DIP2C: variants seen among roughly 807,000 people sequenced by gnomAD.
DIP2C encodes the protein disco-interacting protein 2 homolog C.
A neutral mutation model predicts 192.4 loss-of-function variants in DIP2C; 33 were observed. That is an observed-to-expected ratio of 0.17 (90% CI 0.13 to 0.23). The LOEUF (loss-of-function observed/expected upper bound fraction) is 0.23. Among genes scored for constraint, DIP2C ranks in the 10% least tolerant of loss-of-function variants. The pLI, the probability that DIP2C is intolerant of heterozygous loss-of-function variation, is 1.00. For synonymous variants in DIP2C, 979 were observed against 864.1 expected (o/e 1.13, Z -2.33); for missense variants, 1,537 against 2,110.1 (o/e 0.73, Z 5.32).
chr10:505,589 C>T (rs1845544252), intron 1 of DIP2C, among the ~76,000 whole-genome samples: 1 of 151,752 alleles, frequency 6.6e-6, no homozygotes, highest in South Asian at 2.1e-4. Flanking sequence ...CCCCTGACCC[C>T]ACAGGAGATG....
chr10:489,647 C>A (rs1400459302), intron 1 of DIP2C, among the ~76,000 whole-genome samples: 1 of 151,386 alleles, frequency 6.6e-6, no homozygotes, highest in Non-Finnish European at 1.5e-5. Context: ...ACACTAGGGA[C>A]ACGGTGGCTC....
Position 287,109 on chromosome 10 carries a change from C to CT in DIP2C, c.4045-763dup, listed in dbSNP as rs111949962. Among the ~76,000 whole-genome samples the CT allele has an allele frequency of 8.2e-3, 1,201 of 147,032 alleles. 7 individuals carry two copies. The highest frequency in any genetic ancestry group is 0.025 in the Middle Eastern group (7 of 280). ...AGATGTCAGTACTAAGCATTTCCTT[C>CT]TTTTTTTTTTTGAGACAGGGTCTAG... is the stretch of plus-strand genomic sequence containing the variant. On this transcript the variant is annotated intron_variant, in intron 33 of 36. Coordinates refer to ENST00000280886, the MANE Select transcript of DIP2C (RefSeq NM_014974.3).
intron 28 of DIP2C, among the ~76,000 whole-genome samples, chr10:344,198 G>A (rs1958299648): frequency 6.6e-6 from 1 of 152,162 alleles, no homozygotes; most frequent in African/African-American, 2.4e-5. Flanking sequence ...ATCTTGATCT[G>A]AAAACATTTC....
chr10:526,850 C>T (rs1847085845), intron 1 of DIP2C, among the ~76,000 whole-genome samples: 1 of 152,246 alleles, frequency 6.6e-6, no homozygotes, highest in South Asian at 2.1e-4. Flanking sequence ...TGCTCTGAGG[C>T]TCTGTCCTGC....
intron 10 of DIP2C, among the ~76,000 whole-genome samples, chr10:395,143 GAGAT>G: frequency 1.3e-5 from 1 of 76,924 alleles, no homozygotes; most frequent in Non-Finnish European, 2.5e-5. Context: ...GGGGAGGGAG[GAGAT>G]GGGGGGGAGG....
chr10:351,510 C>T (rs902233318), intron 24 of DIP2C, among the ~76,000 whole-genome samples: 3 of 152,222 alleles, frequency 2.0e-5, no homozygotes, highest in Non-Finnish European at 4.4e-5. Context: ...TGTGGCTGGT[C>T]TCCTCCATGG....
chr10:414,709 G>GTA (rs1395974106), intron 7 of DIP2C, among the ~76,000 whole-genome samples: 36 of 67,310 alleles, frequency 5.3e-4, no homozygotes, highest in South Asian at 4.0e-3. Context: ...GTGTATGTAT[G>GTA]TGTGTGTGTG....
At chr10:669,190 T>C (rs1190427840) in intron 1 of DIP2C, 1 of 152,074 alleles carries the variant, frequency 6.6e-6, no homozygotes, top group East Asian at 1.9e-4. Context: ...GAAAGTTTAT[T>C]GAGAGGGGTC....
intron 1 of DIP2C, among the ~76,000 whole-genome samples, chr10:603,765 C>T (rs1369417325): frequency 6.6e-6 from 1 of 152,206 alleles, no homozygotes; most frequent in African/African-American, 2.4e-5. Flanking sequence ...ACCACACACG[C>T]AGACCTCCTC....
At chr10:511,571 A>G (rs1377933307) in intron 1 of DIP2C, among the ~76,000 whole-genome samples, 1 of 152,150 alleles carries the variant, frequency 6.6e-6, no homozygotes, top group African/African-American at 2.4e-5. Context: ...TTTTACCCAT[A>G]AAGACTTAGA....
chr10:440,282 T>C (rs1407070271), intron 4 of DIP2C, among the ~76,000 whole-genome samples: 1 of 152,240 alleles, frequency 6.6e-6, no homozygotes, highest in East Asian at 1.9e-4. Context: ...GCTGTTCTTA[T>C]AAAGTTTTAT....
rs191616760 is a variant in DIP2C, at chr10:609,315, G to T, written c.85+80179C>A. ...GAAATTAGGAAGAAATTGGTTGAAG[G>T]CTGTTCCCTGGCTGTCAGAAACTTT... On this transcript the variant is annotated intron_variant, in intron 1 of 36. Coordinates refer to ENST00000280886, the MANE Select transcript of DIP2C (RefSeq NM_014974.3). Among the ~76,000 whole-genome samples the T allele has an allele frequency of 1.3e-3, 200 of 152,310 alleles. 1 individual carries two copies. Among genetic ancestry groups the T allele is most frequent in the African/African-American group, 4.5e-3 (188 of 41,572 alleles).
chr10:601,031 CTCAG>C lies in DIP2C; in HGVS notation c.85+88459_85+88462del, dbSNP rs142589755. ...GTTACATGTTCACCTGAGAAGGCTG[CTCAG>C]TCAATCGTTGAGGGCTCTGGCGTAC... On this transcript the variant is annotated intron_variant, in intron 1 of 36. Transcript: ENST00000280886. Among the ~76,000 whole-genome samples, 930 of 152,300 alleles carry C rather than the reference CTCAG, an allele frequency of 6.1e-3. 11 individuals are homozygous for C. The highest frequency in any genetic ancestry group is 0.021 in the African/African-American group (885 of 41,554).
rs1306983660 is a variant in DIP2C at position 651,068 on chromosome 10, T to C, written c.85+38426A>G. On this transcript the variant is annotated intron_variant, in intron 1 of 36. Coordinates refer to ENST00000280886, the MANE Select transcript of DIP2C (RefSeq NM_014974.3). This position sits in a 1 kb window ranked among gnomAD's most constrained non-coding sequence, Gnocchi z 4.1. ...CCATCCTAGCCCCTGCCACCCCTCCTGCTCTTGTCTCTCCCACACCTCCCA... is the reference window on the plus strand; with the variant it reads ...CCATCCTAGCCCCTGCCACCCCTCCCGCTCTTGTCTCTCCCACACCTCCCA... 1 of 717,370 alleles carries C rather than the reference T, an allele frequency of 1.4e-6. No individual in the cohort carries two copies. Among genetic ancestry groups the C allele is most frequent in the African/African-American group, 1.7e-5 (1 of 57,300 alleles). 44.4% of individuals were successfully genotyped at this position (717,370 alleles called of 1,614,324 possible).
intron 1 of DIP2C, among the ~76,000 whole-genome samples, chr10:619,541 G>GCCCGCCCTCCCGCCCTCCCA: frequency 1.0e-4 from 7 of 67,896 alleles, no homozygotes; most frequent in African/African-American, 2.1e-4. Flanking sequence ...CCGCCCGCCC[G>GCCCGCCCTCCCGCCCTCCCA]CCCTCCCACC....
intron 1 of DIP2C, chr10:663,066 G>A (rs1856861657): frequency 3.2e-6 from 2 of 620,536 alleles, no homozygotes; most frequent in Admixed American, 2.4e-5. Flanking sequence ...TGGTGACCGT[G>A]ACCCAGTGAT....
intron 1 of DIP2C, among the ~76,000 whole-genome samples, chr10:647,205 T>A (rs1219585125): frequency 1.3e-5 from 2 of 150,402 alleles, no homozygotes; most frequent in African/African-American, 4.9e-5. Flanking sequence ...GGAAACTGAG[T>A]CCACGTCCAC....
chr10:329,636 TCAGCAAGGCTGGAGC>T, intron 29 of DIP2C, 35 bp from the exon 30 acceptor site: 1 of 435,086 alleles, frequency 2.3e-6, no homozygotes, highest in Non-Finnish European at 3.8e-6. Flanking sequence ...GGGCGGGAGC[TCAGCAAGGCTGGAGC>T]TCAGCAAGGC....
At chr10:359,364 C>T (rs1959203266) in intron 22 of DIP2C, among the ~76,000 whole-genome samples, 1 of 152,178 alleles carries the variant, frequency 6.6e-6, no homozygotes, top group Admixed American at 6.5e-5. Flanking sequence ...GGCACTTCAG[C>T]CAGGATTGAA....
Sources: gnomAD v4.1 joint callset for allele counts (sites outside exome capture counted in the v4.1 genomes callset) on GRCh38, gnomAD v4.1.1 for gene constraint, Gnocchi (gnomAD v3.1) non-coding constraint, MANE v1.5 for transcripts, NCBI Gene and HGNC (gene_info 2026-07-23, HGNC 2026-07-21) for gene names.